NAALADL2: variants seen among roughly 807,000 people sequenced by gnomAD.
NAALADL2 encodes N-acetylated alpha-linked acidic dipeptidase like 2.
NAALADL2 carries 76 observed loss-of-function variants against 87.2 expected under a neutral mutation model. The observed-to-expected ratio is 0.87, with a 90% CI of 0.72 to 1.05. The LOEUF is 1.05. Ranked by LOEUF, NAALADL2 falls within the 50% of genes least tolerant of loss-of-function variation. NAALADL2 has a pLI of 0.00. For synonymous variants in NAALADL2, 354 were observed against 331.0 expected, an observed-to-expected ratio of 1.07 and a Z score of -0.75; for missense variants, 1,089 against 945.8, an observed-to-expected ratio of 1.15 and a Z score of -1.99.
At chr3:174,644,645 G>T (rs1002787989) in intron 2 of NAALADL2, among the ~76,000 whole-genome samples, 2 of 152,108 alleles carry the variant, frequency 1.3e-5, no homozygotes, top group Non-Finnish European at 2.9e-5. Flanking sequence ...TGATACTATG[G>T]AGACCTCAGG....
At chr3:175,748,854 C>T (rs1746258507) in intron 12 of NAALADL2, among the ~76,000 whole-genome samples, 1 of 151,876 alleles carries the variant, frequency 6.6e-6, no homozygotes, top group African/African-American at 2.4e-5. Context: ...TCTGTAACCC[C>T]ACCACTATAG....
chr3:175,633,697 T>C (rs1728122761), intron 11 of NAALADL2, among the ~76,000 whole-genome samples: 1 of 151,858 alleles, frequency 6.6e-6, no homozygotes, highest in Non-Finnish European at 1.5e-5. Flanking sequence ...CCTCAAGAAA[T>C]ATCAGTTTAT....
chr3:175,694,477 G>A (rs1380959329), intron 11 of NAALADL2, among the ~76,000 whole-genome samples: 2 of 152,160 alleles, frequency 1.3e-5, no homozygotes, highest in East Asian at 3.8e-4. Flanking sequence ...TGACACAAGA[G>A]TGGTAAAAGA....
intron 11 of NAALADL2, among the ~76,000 whole-genome samples, chr3:175,714,574 A>T (rs1290139118): frequency 6.6e-6 from 1 of 151,202 alleles, no homozygotes; most frequent in Non-Finnish European, 1.5e-5. Context: ...TTTTGATGGG[A>T]TTGTTTCTTT....
chr3:174,609,282 C>A (rs147910054), intron 2 of NAALADL2, among the ~76,000 whole-genome samples: 13 of 151,936 alleles, frequency 8.6e-5, no homozygotes, highest in Non-Finnish European at 1.3e-4. Flanking sequence ...CTCACCACTC[C>A]TATTCAACAT....
At chr3:174,548,572 A>T (rs1711703306) in intron 1 of NAALADL2, among the ~76,000 whole-genome samples, 1 of 152,122 alleles carries the variant, frequency 6.6e-6, no homozygotes. Context: ...AAAAAATCTC[A>T]TCAGTTTGCT....
At chr3:174,748,722 C>T (rs571942305) in intron 3 of NAALADL2, among the ~76,000 whole-genome samples, 100 of 152,140 alleles carry the variant, frequency 6.6e-4, no homozygotes, top group Admixed American at 1.2e-3. Flanking sequence ...CACTAAGAAC[C>T]AGGGTGAGCA....
chr3:175,365,694 G>T (rs1195200668), intron 5 of NAALADL2, among the ~76,000 whole-genome samples: 1 of 146,782 alleles, frequency 6.8e-6, no homozygotes, highest in East Asian at 2.0e-4. Context: ...ATTTGAAATT[G>T]TATGACCTAA....
At chr3:174,876,310 T>C (rs1450207794) in intron 1 of NAALADL2, among the ~76,000 whole-genome samples, 1 of 152,068 alleles carries the variant, frequency 6.6e-6, no homozygotes, top group African/African-American at 2.4e-5. Context: ...CTGTTGATAT[T>C]TTCTTTGTTT....
At chr3:174,745,406 C>T (rs937919265) in intron 3 of NAALADL2, among the ~76,000 whole-genome samples, 2 of 152,048 alleles carry the variant, frequency 1.3e-5, no homozygotes, top group African/African-American at 4.8e-5. Flanking sequence ...GAAGTCGAAT[C>T]CCTGAATAGA....
At chr3:175,451,474 C>T (rs750179617) in intron 6 of NAALADL2, among the ~76,000 whole-genome samples, 6 of 152,036 alleles carry the variant, frequency 3.9e-5, no homozygotes, top group Admixed American at 2.0e-4. Flanking sequence ...ATTCATTCAA[C>T]GTATTGTCAA....
intron 2 of NAALADL2, among the ~76,000 whole-genome samples, chr3:174,680,082 A>G (rs536522389): frequency 1.7e-4 from 18 of 103,850 alleles, no homozygotes; most frequent in Non-Finnish European, 3.2e-4. Flanking sequence ...TAATAATATA[A>G]CCAGGTATTT....
rs182398377 is a variant in NAALADL2, at chr3:174,609,151, A to T, written c.-115+58514A>T. Reference sequence around the variant, plus strand: ...AAAACTCTCAATAAATTAGGTATTGATGGGATGTATGTCAAAATAATAAGA... The same window carrying T: ...AAAACTCTCAATAAATTAGGTATTGTTGGGATGTATGTCAAAATAATAAGA... On this transcript the variant is annotated intron_variant, in intron 2 of 3. Coordinates refer to the NAALADL2 transcript ENST00000434257. Among the ~76,000 whole-genome samples, 477 of 152,318 alleles carry T rather than the reference A, an allele frequency of 3.1e-3. 1 individual carries two copies. Among genetic ancestry groups the T allele is most frequent in the African/African-American group, 0.011 (441 of 41,566 alleles).
chr3:174,785,186 T>G (rs1716496887), intron 3 of NAALADL2, among the ~76,000 whole-genome samples: 1 of 152,126 alleles, frequency 6.6e-6, no homozygotes, highest in South Asian at 2.1e-4. Context: ...TTCTACTGTT[T>G]CCCTCTATTA....
chr3:174,853,407 C>T (rs377669731), intron 3 of NAALADL2, among the ~76,000 whole-genome samples: 3 of 148,832 alleles, frequency 2.0e-5, no homozygotes, highest in Non-Finnish European at 3.0e-5. Context: ...TAGATTTACA[C>T]CTAAGACCTT....
Position 175,806,531 on chromosome 3 carries a change from CATA to C in NAALADL2, c.*3333_*3335del, listed in dbSNP as rs1295130269. 2.0e-5 allele frequency: 3 copies of C among 151,624 alleles called. No homozygotes were observed. The highest frequency in any genetic ancestry group is 4.4e-5 in the Non-Finnish European group (3 of 67,808). The allele number at this position is 151,624 out of a possible 1,614,324, so 9.4% of individuals were successfully genotyped here. The stretch of plus-strand genomic sequence containing the variant: ...GACATTTCTAAATAAATTGAAGAGT[CATA>C]ATAACAAGAAAGACGTAAAGATTTG... On this transcript the variant is annotated 3_prime_UTR_variant, in exon 14 of 14. Transcript: ENST00000454872.
chr3:175,443,973 G>A (rs1193341282), intron 5 of NAALADL2, among the ~76,000 whole-genome samples: 11 of 152,198 alleles, frequency 7.2e-5, no homozygotes, highest in African/African-American at 2.4e-4. Context: ...TGTGATGCAT[G>A]AGAAAAACAA....
intron 4 of NAALADL2, among the ~76,000 whole-genome samples, chr3:175,273,441 A>G (rs1189133491): frequency 6.6e-6 from 1 of 152,086 alleles, no homozygotes; most frequent in African/African-American, 2.4e-5. Context: ...AACCAATACC[A>G]AGGATTTTTC....
chr3:174,786,466 A>G (rs1200013890), intron 3 of NAALADL2, among the ~76,000 whole-genome samples: 16 of 120,374 alleles, frequency 1.3e-4, no homozygotes, highest in African/African-American at 4.3e-4. Context: ...AAAAAAAAAA[A>G]TAATAAATAA....
Sources: gnomAD v4.1 joint callset for allele counts (sites outside exome capture counted in the v4.1 genomes callset) on GRCh38, gnomAD v4.1.1 for gene constraint, MANE v1.5 for transcripts, NCBI Gene and HGNC (gene_info 2026-07-23, HGNC 2026-07-21) for gene names.